The following ITGA9 variants were observed in gnomAD, a reference collection of about 807,000 sequenced individuals.
The protein encoded by ITGA9 is integrin alpha-9.
Under a neutral mutation model 127.8 loss-of-function variants are expected in ITGA9, and 56 were observed. The ratio of observed to expected loss-of-function variants is 0.44; its 90% CI spans 0.35 to 0.55. The LOEUF is 0.55. Ranked by LOEUF, ITGA9 falls within the 20% of genes least tolerant of loss-of-function variation. The pLI is 0.00. For missense variants in ITGA9, 1,196 were observed against 1,347.1 expected (o/e 0.89, Z 1.76); for synonymous variants, 508 against 514.5 (o/e 0.99, Z 0.17).
chr3:37,644,183 C>T (rs1700356664), intron 16 of ITGA9, among the ~76,000 whole-genome samples: 1 of 152,148 alleles, frequency 6.6e-6, no homozygotes, highest in Admixed American at 6.5e-5. Context: ...CAGGCAGATC[C>T]AGGAAGAGCA....
chr3:37,631,968 A>C (rs1700233564), intron 16 of ITGA9, among the ~76,000 whole-genome samples: 1 of 152,216 alleles, frequency 6.6e-6, no homozygotes, highest in South Asian at 2.1e-4. Context: ...TGGCATTTGA[A>C]GTCACCAACG....
At chr3:37,649,737 A>T (rs908270022) in intron 16 of ITGA9, among the ~76,000 whole-genome samples, 1 of 152,256 alleles carries the variant, frequency 6.6e-6, no homozygotes, top group Admixed American at 6.5e-5. Flanking sequence ...CATATACAGA[A>T]CTGTTCAGCC....
At chr3:37,694,419 G>A (rs748584330) in intron 18 of ITGA9, among the ~76,000 whole-genome samples, 24 of 152,354 alleles carry the variant, frequency 1.6e-4, no homozygotes, top group Non-Finnish European at 2.2e-4. Flanking sequence ...CAGGCTGGGC[G>A]CTTCCTGCGG....
At position 37,788,591 on chromosome 3, in the gene ITGA9, T is replaced by C. The variant is rs137868338; in HGVS notation, c.2889+3513T>C. Among the ~76,000 whole-genome samples, 174 of 152,248 alleles carry C rather than the reference T, an allele frequency of 1.1e-3. No individual in the cohort carries two copies. In the Middle Eastern group the frequency reaches 0.017, roughly 15 times the overall value. ...CCCAAAGATCCCACAAGCAGTAATA[T>C]ATTAGGCAGAGCTAAACTCACACAC... On this transcript the variant is annotated intron_variant, in intron 26 of 27. Transcript: ENST00000264741.
chr3:37,757,166 C>A (rs1003152674), intron 23 of ITGA9, among the ~76,000 whole-genome samples: 4 of 151,694 alleles, frequency 2.6e-5, no homozygotes, highest in African/African-American at 9.7e-5. Flanking sequence ...TTATTAAAGA[C>A]AAAGCATATC....
At chr3:37,730,611 A>G (rs1206843616) in intron 18 of ITGA9, among the ~76,000 whole-genome samples, 1 of 152,178 alleles carries the variant, frequency 6.6e-6, no homozygotes, top group Non-Finnish European at 1.5e-5. Flanking sequence ...CTCTACGAGG[A>G]CAGCGATTAA....
At chr3:37,521,846 G>A (rs1699047191) in intron 11 of ITGA9, among the ~76,000 whole-genome samples, 1 of 152,224 alleles carries the variant, frequency 6.6e-6, no homozygotes, top group Non-Finnish European at 1.5e-5. Flanking sequence ...CATGTGGGAT[G>A]TAGGGCTTTG....
chr3:37,593,526 C>T (rs890418831), intron 15 of ITGA9, among the ~76,000 whole-genome samples: 16 of 152,184 alleles, frequency 1.1e-4, no homozygotes, highest in African/African-American at 3.4e-4. Flanking sequence ...GGCTTAGAGA[C>T]GGCCACCTTC....
chr3:37,498,051 CTG>C (rs1698749813), intron 5 of ITGA9, among the ~76,000 whole-genome samples: 1 of 152,124 alleles, frequency 6.6e-6, no homozygotes, highest in Non-Finnish European at 1.5e-5. Flanking sequence ...GGCCAGGGAG[CTG>C]TGGGGTAGAG....
At chr3:37,533,594 A>T in intron 14 of ITGA9, 126 bp downstream of exon 14, 1 of 885,622 alleles carries the variant, frequency 1.1e-6, no homozygotes, top group Non-Finnish European at 1.8e-6. Flanking sequence ...CACAGGCTGG[A>T]CATCCTTTCC....
intron 18 of ITGA9, among the ~76,000 whole-genome samples, chr3:37,705,649 T>A (rs1700996190): frequency 6.6e-6 from 1 of 152,248 alleles, no homozygotes; most frequent in Non-Finnish European, 1.5e-5. Context: ...CTGCTTTCTG[T>A]ATCGGCTTTC....
intron 26 of ITGA9, chr3:37,790,415 G>A: frequency 2.2e-6 from 1 of 455,836 alleles, no homozygotes; most frequent in South Asian, 1.7e-5. Context: ...CGGTTGGAAT[G>A]CCTGATCCTG....
Position 37,687,287 on chromosome 3 carries a change from A to G in ITGA9, c.2067+3272A>G, listed in dbSNP as rs114227437. 9.8e-3 allele frequency among the ~76,000 whole-genome samples: 1,495 copies of G among 152,330 alleles called. 28 individuals carry two copies. The highest frequency in any genetic ancestry group is 0.034 in the African/African-American group (1,433 of 41,564). On this transcript the variant is annotated intron_variant, in intron 18 of 27. Coordinates refer to ENST00000264741, the MANE Select transcript of ITGA9 (RefSeq NM_002207.3). Reference sequence around the variant, plus strand: ...AGAATTAAAATATGTTATAGTCAGGAAAGAGCAGAATCAGCAGAACAGAAA... The same window carrying G: ...AGAATTAAAATATGTTATAGTCAGGGAAGAGCAGAATCAGCAGAACAGAAA...
At chr3:37,647,716 G>A (rs1700392582) in intron 16 of ITGA9, among the ~76,000 whole-genome samples, 1 of 152,060 alleles carries the variant, frequency 6.6e-6, no homozygotes, top group Admixed American at 6.5e-5. Context: ...CAATAAGTGA[G>A]ATCATACAAT....
chr3:37,499,743 T>C (rs1579067127), intron 5 of ITGA9, among the ~76,000 whole-genome samples: 1 of 151,874 alleles, frequency 6.6e-6, no homozygotes, highest in African/African-American at 2.4e-5. Context: ...GGGAGAGGGG[T>C]GTGAGCACTG....
intron 20 of ITGA9, among the ~76,000 whole-genome samples, chr3:37,739,851 C>T (rs1208114859): frequency 6.6e-6 from 1 of 152,196 alleles, no homozygotes; most frequent in Non-Finnish European, 1.5e-5. Flanking sequence ...GGTGTTAACC[C>T]ATCCACAGGG....
intron 17 of ITGA9, among the ~76,000 whole-genome samples, chr3:37,681,360 C>T (rs998304613): frequency 5.3e-5 from 8 of 152,170 alleles, no homozygotes; most frequent in Non-Finnish European, 8.8e-5. Context: ...TTCAGATGAT[C>T]CCTGGTGTCT....
chr3:37,571,788 G>T (rs1263714530), intron 15 of ITGA9, among the ~76,000 whole-genome samples: 2 of 152,184 alleles, frequency 1.3e-5, no homozygotes, highest in Middle Eastern at 3.4e-3. Flanking sequence ...GGAGATACTT[G>T]GGGCTGGAAG....
intron 23 of ITGA9, among the ~76,000 whole-genome samples, chr3:37,775,827 G>GTA (rs1162593317): frequency 1.3e-5 from 2 of 152,174 alleles, no homozygotes; most frequent in Non-Finnish European, 2.9e-5. Flanking sequence ...CCATTACTGG[G>GTA]TATATATATA....
Sources: gnomAD v4.1 joint callset for allele counts (sites outside exome capture counted in the v4.1 genomes callset) on GRCh38, gnomAD v4.1.1 for gene constraint, MANE v1.5 for transcripts, NCBI Gene and HGNC (gene_info 2026-07-23, HGNC 2026-07-21) for gene names.